The following BIRC6 variants were observed in gnomAD, a reference collection of about 807,000 sequenced individuals.
BIRC6 encodes dual E2 ubiquitin-conjugating enzyme/E3 ubiquitin-protein ligase BIRC6.
A neutral mutation model predicts 503.3 loss-of-function variants in BIRC6; 98 were observed. That is an observed-to-expected ratio of 0.19 (90% CI 0.17 to 0.23). The LOEUF (loss-of-function observed/expected upper bound fraction) is 0.23, where lower values mean the gene tolerates loss of function less well. Among genes scored for constraint, BIRC6 ranks in the 10% least tolerant of loss-of-function variants. The pLI, the probability that BIRC6 is intolerant of heterozygous loss-of-function variation, is 1.00. For synonymous variants in BIRC6, 2,240 were observed against 2,078.7 expected (o/e 1.08, Z -2.11); for missense variants, 5,360 against 5,806.0 (o/e 0.92, Z 2.50).
Position 32,525,524 on chromosome 2 carries a change from G to A in BIRC6, c.11816G>A (p.Arg3939Lys), listed in dbSNP as rs553403645. ...SATPPRPPSR[R>K]GRTIPDKIGS... Reference sequence around the variant, plus strand: ...ACACCACCTCGCCCACCATCCAGGAGGGGGAGGACAATACCTGATAAAATA... The same window carrying A: ...ACACCACCTCGCCCACCATCCAGGAAGGGGAGGACAATACCTGATAAAATA... Residue 3939 changes from arginine to lysine, a missense_variant, in exon 59 of 74, where the codon AGG becomes AAG. Transcript: ENST00000421745. The A allele has an allele frequency of 4.3e-6, 7 of 1,613,950 alleles. No homozygotes were observed. Among genetic ancestry groups the A allele is most frequent in the East Asian group, 4.5e-5 (2 of 44,868 alleles).
chr2:32,439,326 T>G (rs1387374658), intron 15 of BIRC6, among the ~76,000 whole-genome samples, 182 bp from the exon 16 acceptor site: 1 of 152,204 alleles, frequency 6.6e-6, no homozygotes, highest in African/African-American at 2.4e-5. Flanking sequence ...CTTTGTTGGT[T>G]GTTTTTTGCT....
intron 45 of BIRC6, among the ~76,000 whole-genome samples, chr2:32,496,504 G>C (rs191521672): frequency 6.6e-6 from 1 of 152,076 alleles, no homozygotes; most frequent in Non-Finnish European, 1.5e-5. Context: ...GTTTACAAGC[G>C]TGAGCCACCA....
At position 32,547,915 on chromosome 2, in the gene BIRC6, G is replaced by A. The variant is rs138854140; in HGVS notation, c.12876G>A (p.Gly4292=). ...TEEQQLYWAK[G]TGFGTGSTAS... Reference sequence around the variant, plus strand: ...AACAACAGTTATATTGGGCCAAAGGGACTGGCTTTGGAACAGGCTCTACAG... The same window carrying A: ...AACAACAGTTATATTGGGCCAAAGGAACTGGCTTTGGAACAGGCTCTACAG... Residue 4292 remains glycine, a synonymous_variant, in exon 64 of 74, where the codon GGG becomes GGA. Coordinates refer to ENST00000421745, the MANE Select transcript of BIRC6 (RefSeq NM_016252.4). 1.0e-3 allele frequency: 1,659 copies of A among 1,613,516 alleles called. 16 individuals carry two copies. The African/African-American group carries it at 0.019, about 19-fold the overall frequency.
At chr2:32,447,241 A>G (rs2046093570) in intron 21 of BIRC6, among the ~76,000 whole-genome samples, 1 of 147,286 alleles carries the variant, frequency 6.8e-6, no homozygotes, top group African/African-American at 2.5e-5. Flanking sequence ...CATTGTCATC[A>G]TGGCCCATCC....
chr2:32,579,613 T>C (rs1466888718), intron 66 of BIRC6, among the ~76,000 whole-genome samples: 5 of 152,054 alleles, frequency 3.3e-5, no homozygotes, highest in African/African-American at 1.2e-4. Flanking sequence ...CGCTTGAGAC[T>C]AGGATTTTGA....
chr2:32,455,143 C>T (rs2047100774), intron 23 of BIRC6, among the ~76,000 whole-genome samples: 1 of 151,844 alleles, frequency 6.6e-6, no homozygotes, highest in Non-Finnish European at 1.5e-5. Context: ...CTTTGGGAGG[C>T]CAAGGTGGGC....
At chr2:32,544,590 G>A (rs1265775624) in intron 62 of BIRC6, among the ~76,000 whole-genome samples, 1 of 150,408 alleles carries the variant, frequency 6.6e-6, no homozygotes, top group Non-Finnish European at 1.5e-5. Flanking sequence ...GTTTTGATTA[G>A]GGTCGATTTC....
At chr2:32,439,453 CAG>C in intron 15 of BIRC6, 53 bp from the exon 16 acceptor site, 1 of 1,502,212 alleles carries the variant, frequency 6.7e-7, no homozygotes, top group South Asian at 1.2e-5. Context: ...AGATGAAAAA[CAG>C]TGGAATTTAT....
In BIRC6 at chr2:32,548,430, G is replaced by A. The variant is rs1196869271; in HGVS notation, c.12975+416G>A. On this transcript the variant is annotated intron_variant, in intron 64 of 73. Coordinates refer to ENST00000421745, the MANE Select transcript of BIRC6 (RefSeq NM_016252.4). ...GTGGCCCAGGCTGGAGTGCAGTGGCGTGATCTCAGCTCACTGCAACCTTCA... is the reference window on the plus strand; with the variant it reads ...GTGGCCCAGGCTGGAGTGCAGTGGCATGATCTCAGCTCACTGCAACCTTCA... Among the ~76,000 whole-genome samples, 7 of 142,854 alleles carry A rather than the reference G, an allele frequency of 4.9e-5. No individual in the cohort carries two copies. The Admixed American group carries it at 5.2e-4, about 11-fold the overall frequency. The allele number at this position is 142,854 out of a possible 152,430, so 93.7% of individuals were successfully genotyped here.
intron 8 of BIRC6, among the ~76,000 whole-genome samples, chr2:32,402,258 C>T (rs2040690067): frequency 6.6e-6 from 1 of 152,168 alleles, no homozygotes; most frequent in Admixed American, 6.5e-5. Flanking sequence ...CCACTTGTTT[C>T]CTAAGAACCA....
At chr2:32,395,669 T>C (rs529322149) in intron 6 of BIRC6, 76 bp downstream of exon 6, 217 of 1,322,032 alleles carry the variant, frequency 1.6e-4, no homozygotes, top group Non-Finnish European at 2.2e-4. Flanking sequence ...ACTTTTCTGC[T>C]TATGATATAA....
intron 6 of BIRC6, among the ~76,000 whole-genome samples, chr2:32,397,651 CACAT>C (rs1236837553): frequency 1.8e-4 from 26 of 143,284 alleles, no homozygotes; most frequent in African/African-American, 6.2e-4. Flanking sequence ...CACACACACA[CACAT>C]ATATGTGTAT....
At chr2:32,397,608 A>G (rs533446957) in intron 6 of BIRC6, among the ~76,000 whole-genome samples, 11 of 130,218 alleles carry the variant, frequency 8.4e-5, no homozygotes, top group African/African-American at 2.5e-4. Context: ...GTGTGTGTAT[A>G]TATGTGTGTA....
chr2:32,436,520 G>A (rs535270358), intron 15 of BIRC6, among the ~76,000 whole-genome samples: 82 of 152,034 alleles, frequency 5.4e-4, no homozygotes, highest in Non-Finnish European at 1.0e-3. Context: ...TCAGAGTCCC[G>A]TCTCTTCAGA....
rs979783504 is a variant in BIRC6 at position 32,436,158 on chromosome 2, C to T, written c.3605C>T (p.Thr1202Met). The change falls in exon 15 of 74, where the codon ACG (threonine) becomes ATG (methionine). Residue 1202 changes from threonine (T) to methionine (M), a missense_variant. Around this residue, in one of 16 missense-constraint regions of BIRC6, gnomAD observed 2,299 missense variants for 2,267.2 expected, o/e 1.01. Transcript: ENST00000421745. Reference sequence around the variant, plus strand: ...CTATCAGGGCATGCTGGAATGTTGACGTTAACAAGCCCCAAACTTGTTAAA... The same window carrying T: ...CTATCAGGGCATGCTGGAATGTTGATGTTAACAAGCCCCAAACTTGTTAAA... Reference protein sequence around the residue: ...LDLSGHAGMLTLTSPKLVKGM... With the variant: ...LDLSGHAGMLMLTSPKLVKGM... 12 of 1,460,166 alleles carry T rather than the reference C, an allele frequency of 8.2e-6. No homozygotes were observed. Among genetic ancestry groups the T allele is most frequent in the Non-Finnish European group, 7.4e-6 (8 of 1,086,914 alleles). 90.5% of individuals were successfully genotyped at this position (1,460,166 alleles called of 1,614,324 possible). A position where few individuals can be genotyped will look rare whatever the true frequency, so the allele number is the denominator to read the frequency against.
At chr2:32,515,915 C>T (rs1429856029) in intron 55 of BIRC6, 145 bp downstream of exon 55, 1 of 741,548 alleles carries the variant, frequency 1.3e-6, no homozygotes, top group East Asian at 2.7e-5. Flanking sequence ...TATCTCCTTT[C>T]TCCCCCTCAA....
Position 32,415,080 on chromosome 2 carries a change from A to G in BIRC6, c.1789A>G (p.Thr597Ala), listed in dbSNP as rs753507533. 6.2e-7 allele frequency: 1 copy of G among 1,613,922 alleles called. No individual in the cohort carries two copies. Among genetic ancestry groups the G allele is most frequent in the Admixed American group, 1.7e-5 (1 of 60,014 alleles). The change falls in exon 10 of 74, where the codon ACT becomes GCT. Residue 597 changes from threonine to alanine, a missense_variant. By Grantham distance (58) the Thr-to-Ala change is moderately conservative. Transcript: ENST00000421745. ...SHRSLDGLSR[T>A]QGESISEQGS... is the part of the protein sequence containing the mutation. ...CAGGTCACTGGATGGTTTAAGCAGA[A>G]CTCAGGGTGAAAGTATATCAGAACA...
intron 23 of BIRC6, among the ~76,000 whole-genome samples, chr2:32,457,263 T>C (rs1021990513): frequency 6.6e-6 from 1 of 152,238 alleles, no homozygotes; most frequent in Non-Finnish European, 1.5e-5. Flanking sequence ...AAATCCAGCC[T>C]GACATTTTTG....
chr2:32,538,435 C>A (rs1447535995), intron 61 of BIRC6, among the ~76,000 whole-genome samples: 1 of 151,722 alleles, frequency 6.6e-6, no homozygotes, highest in Non-Finnish European at 1.5e-5. Context: ...CCAAATGGCC[C>A]ATACATTAGG....
Sources: gnomAD v4.1 joint callset for allele counts (sites outside exome capture counted in the v4.1 genomes callset) on GRCh38, gnomAD v4.1.1 for gene constraint, gnomAD v4.1.1 regional missense constraint, MANE v1.5 for transcripts, NCBI Gene and HGNC (gene_info 2026-07-23, HGNC 2026-07-21) for gene names.